Variants in KCNH1 observed in about 807,000 individuals in gnomAD.
KCNH1 encodes the protein potassium voltage-gated channel subfamily H member 1.
Under a neutral mutation model 69.2 loss-of-function variants are expected in KCNH1, and 27 were observed. That is an observed-to-expected ratio of 0.39 (90% CI 0.29 to 0.54). KCNH1 has a LOEUF of 0.54. Ranked by LOEUF, KCNH1 falls within the 20% of genes least tolerant of loss-of-function variation. The pLI is 0.68. For missense variants in KCNH1, 798 were observed against 1,261.6 expected (o/e 0.63, Z 5.57); for synonymous variants, 456 against 487.7 (o/e 0.93, Z 0.86).
chr1:210,791,686 C>A (rs115667231), intron 9 of KCNH1, among the ~76,000 whole-genome samples: 2,089 of 152,322 alleles, frequency 0.014, 49 homozygotes, highest in African/African-American at 0.047. Flanking sequence ...CTTATTGTCA[C>A]TAGCCATGCA....
At chr1:211,112,502 A>T (rs1349720669) in intron 1 of KCNH1, among the ~76,000 whole-genome samples, 5 of 51,668 alleles carry the variant, frequency 9.7e-5, no homozygotes, top group East Asian at 6.6e-4. Context: ...TTAAATAAAT[A>T]AAAAAAAAAA....
At chr1:211,070,448 CACACACACACAA>C (rs1252495927) in intron 5 of KCNH1, among the ~76,000 whole-genome samples, 7 of 150,280 alleles carry the variant, frequency 4.7e-5, no homozygotes, top group Admixed American at 1.3e-4. Context: ...CACACACACA[CACACACACACAA>C]ACAAACAAAT....
At chr1:210,947,539 C>T (rs1163389280) in intron 6 of KCNH1, among the ~76,000 whole-genome samples, 3 of 150,410 alleles carry the variant, frequency 2.0e-5, no homozygotes, top group Admixed American at 1.3e-4. Context: ...CACGCCACTG[C>T]ACTCCAACCT....
At chr1:210,842,722 T>A (rs904760704) in intron 7 of KCNH1, among the ~76,000 whole-genome samples, 1 of 152,180 alleles carries the variant, frequency 6.6e-6, no homozygotes, top group Non-Finnish European at 1.5e-5. Context: ...AGATCATTAG[T>A]GCAAGAGTGG....
intron 1 of KCNH1, among the ~76,000 whole-genome samples, chr1:211,124,435 G>A (rs553978510): frequency 2.0e-5 from 3 of 152,274 alleles, no homozygotes; most frequent in African/African-American, 7.2e-5. Context: ...CACAAGATCA[G>A]GAGATTAAGA....
chr1:211,044,746 A>G (rs558137262), intron 5 of KCNH1, among the ~76,000 whole-genome samples: 2 of 152,162 alleles, frequency 1.3e-5, no homozygotes, highest in African/African-American at 4.8e-5. Context: ...CCATAATCAA[A>G]AAATAGTAGA....
At chr1:210,719,012 C>G (rs1159181983) in intron 10 of KCNH1, among the ~76,000 whole-genome samples, 1 of 152,150 alleles carries the variant, frequency 6.6e-6, no homozygotes, top group Non-Finnish European at 1.5e-5. Flanking sequence ...AACCAAGGCA[C>G]CAAATGCCTT....
At chr1:210,885,793 C>A (rs1022880426) in intron 7 of KCNH1, among the ~76,000 whole-genome samples, 1 of 152,146 alleles carries the variant, frequency 6.6e-6, no homozygotes, top group African/African-American at 2.4e-5. Flanking sequence ...TCAAACTGGG[C>A]GAAGCACACC....
chr1:211,059,635 C>A (rs941176550), intron 5 of KCNH1, among the ~76,000 whole-genome samples: 1 of 151,738 alleles, frequency 6.6e-6, no homozygotes, highest in South Asian at 2.1e-4. Context: ...CCCAGCTACT[C>A]GGGAGGCTGA....
intron 10 of KCNH1, among the ~76,000 whole-genome samples, chr1:210,743,599 C>T (rs374839548): frequency 7.0e-4 from 106 of 152,272 alleles, no homozygotes; most frequent in African/African-American, 2.2e-3. Flanking sequence ...AGGACAAGAA[C>T]GCCTATTTTT....
intron 5 of KCNH1, among the ~76,000 whole-genome samples, chr1:211,066,905 G>GAAT (rs1238094103): frequency 1.3e-5 from 2 of 152,152 alleles, no homozygotes; most frequent in Non-Finnish European, 2.9e-5. Context: ...CTTTGAGCTG[G>GAAT]AATACCCACC....
chr1:210,988,067 T>A (rs962551347), intron 6 of KCNH1, among the ~76,000 whole-genome samples: 6 of 152,218 alleles, frequency 3.9e-5, no homozygotes, highest in Non-Finnish European at 7.3e-5. Flanking sequence ...TCTGTGGGTG[T>A]AGGACCCTCT....
intron 6 of KCNH1, among the ~76,000 whole-genome samples, chr1:210,960,041 A>G (rs1688263774): frequency 6.6e-6 from 1 of 152,208 alleles, no homozygotes. Context: ...CCATCTTGGA[A>G]TGGACAAGAG....
At chr1:211,021,654 C>T (rs1689588313) in intron 5 of KCNH1, among the ~76,000 whole-genome samples, 1 of 151,854 alleles carries the variant, frequency 6.6e-6, no homozygotes, top group Admixed American at 6.6e-5. Context: ...CAAAACTCAA[C>T]ATACAAAAGT....
intron 7 of KCNH1, among the ~76,000 whole-genome samples, chr1:210,866,859 C>A (rs1407870551): frequency 2.6e-5 from 4 of 152,118 alleles, no homozygotes; most frequent in Admixed American, 2.0e-4. Flanking sequence ...TGAAAACAGC[C>A]CATATACCCA....
chr1:210,778,621 T>G (rs1683910984), intron 9 of KCNH1, among the ~76,000 whole-genome samples: 1 of 151,900 alleles, frequency 6.6e-6, no homozygotes, highest in South Asian at 2.1e-4. Flanking sequence ...CATCCCCCAC[T>G]TCCTTCCCTG....
intron 6 of KCNH1, among the ~76,000 whole-genome samples, chr1:211,011,883 G>C (rs1689402736): frequency 6.6e-6 from 1 of 152,190 alleles, no homozygotes; most frequent in African/African-American, 2.4e-5. Context: ...GAGAAAGACT[G>C]ATAAAATAAA....
chr1:210,746,482 C>T (rs1445398417), intron 10 of KCNH1, among the ~76,000 whole-genome samples: 1 of 152,158 alleles, frequency 6.6e-6, no homozygotes, highest in Non-Finnish European at 1.5e-5. Flanking sequence ...CTCTCAAAGC[C>T]TCTCTTCTAC....
intron 9 of KCNH1, among the ~76,000 whole-genome samples, chr1:210,790,465 C>G (rs187135092): frequency 1.3e-5 from 2 of 152,304 alleles, no homozygotes; most frequent in African/African-American, 4.8e-5. Flanking sequence ...CTTACAGACT[C>G]TGCTTCATGA....
Sources: allele counts gnomAD v4.1 joint callset (sites outside exome capture counted in the v4.1 genomes callset), GRCh38; gene constraint gnomAD v4.1.1; transcripts MANE v1.5; gene names NCBI Gene and HGNC (gene_info 2026-07-23, HGNC 2026-07-21).